Variants in GLIS3 observed in about 807,000 individuals in gnomAD.
The protein encoded by GLIS3 is GLIS family zinc finger 3.
Under a neutral mutation model 78.6 loss-of-function variants are expected in GLIS3, and 53 were observed. The observed-to-expected ratio is 0.67, with a 90% CI of 0.54 to 0.85. The LOEUF (loss-of-function observed/expected upper bound fraction) is 0.85. GLIS3 is among the 40% of genes least tolerant of loss of function. The probability of loss-of-function intolerance (pLI) is 0.00; values close to 1 mark genes in which losing one functional copy is unlikely to be tolerated. For synonymous variants in GLIS3, 684 were observed against 509.9 expected, an observed-to-expected ratio of 1.34 and a Z score of -4.60; for missense variants, 1,703 against 1,231.1, an observed-to-expected ratio of 1.38 and a Z score of -5.74.
chr9:4,185,960 G>C (rs923869334), intron 2 of GLIS3, among the ~76,000 whole-genome samples: 1 of 151,944 alleles, frequency 6.6e-6, no homozygotes, highest in African/African-American at 2.4e-5. Flanking sequence ...GGCGCAGTGT[G>C]TCAAAGTTAA....
chr9:4,416,274 A>G, the GLIS3 span, among the ~76,000 whole-genome samples: 1 of 149,164 alleles, frequency 6.7e-6, no homozygotes, highest in Non-Finnish European at 1.5e-5. Flanking sequence ...AAAAAAAAAA[A>G]AAAAAGCATG....
the GLIS3 span, among the ~76,000 whole-genome samples, chr9:4,448,454 G>A: frequency 0.21 from 31,602 of 152,146 alleles, 3,434 homozygotes; most frequent in Middle Eastern, 0.3. Flanking sequence ...TCAAAGCTGA[G>A]CCAACTAGCA....
chr9:3,979,427 AG>A, intron 4 of GLIS3, among the ~76,000 whole-genome samples: 1 of 152,342 alleles, frequency 6.6e-6, no homozygotes, highest in African/African-American at 2.4e-5. Flanking sequence ...GCATCTAAAT[AG>A]CACACGCTTC....
chr9:4,440,322 G>A, the GLIS3 span, among the ~76,000 whole-genome samples: 1 of 152,036 alleles, frequency 6.6e-6, no homozygotes, highest in African/African-American at 2.4e-5. Flanking sequence ...TTCATCATTT[G>A]GGGTCTTAGA....
the GLIS3 span, among the ~76,000 whole-genome samples, chr9:4,480,040 G>A: frequency 2.6e-5 from 4 of 151,104 alleles, no homozygotes; most frequent in African/African-American, 9.7e-5. Context: ...GGGATTGTAG[G>A]CGTGAGCCAC....
intron 1 of GLIS3, among the ~76,000 whole-genome samples, chr9:4,296,798 A>C (rs1816551752): frequency 6.6e-6 from 1 of 151,794 alleles, no homozygotes; most frequent in South Asian, 2.1e-4. Flanking sequence ...CTTCCTTTCA[A>C]AGGTAGCCTC....
At chr9:4,095,216 T>TG (rs1829846882) in intron 4 of GLIS3, among the ~76,000 whole-genome samples, 1 of 152,210 alleles carries the variant, frequency 6.6e-6, no homozygotes, top group Admixed American at 6.5e-5. Flanking sequence ...TAGTATTCTC[T>TG]GTTCTATGTA....
At chr9:4,056,898 CTTTT>C (rs34752011) in intron 4 of GLIS3, among the ~76,000 whole-genome samples, 14 of 98,046 alleles carry the variant, frequency 1.4e-4, no homozygotes, top group African/African-American at 4.6e-4. Flanking sequence ...CTTCAAGACA[CTTTT>C]TTTTTTTTTT....
intron 4 of GLIS3, among the ~76,000 whole-genome samples, chr9:3,980,453 G>T (rs919175737): frequency 6.6e-6 from 1 of 152,116 alleles, no homozygotes; most frequent in East Asian, 1.9e-4. Context: ...ATACCAGCAG[G>T]CTGCCAAGTC....
the GLIS3 span, among the ~76,000 whole-genome samples, chr9:4,450,064 T>C: frequency 4.6e-5 from 7 of 152,148 alleles, no homozygotes; most frequent in Admixed American, 1.3e-4. Flanking sequence ...TAAAGAAGGA[T>C]GTTTGGACCC....
chr9:3,958,494 G>A (rs1020590042), intron 4 of GLIS3, among the ~76,000 whole-genome samples: 13 of 152,152 alleles, frequency 8.5e-5, no homozygotes, highest in African/African-American at 2.9e-4. Context: ...ACAAATCTCC[G>A]CATTCTCCCC....
At chr9:4,119,799 T>C (rs922778283) in intron 3 of GLIS3, among the ~76,000 whole-genome samples, 9 of 152,236 alleles carry the variant, frequency 5.9e-5, no homozygotes, top group African/African-American at 2.2e-4. Context: ...AAATGGTTCA[T>C]AATGTAGCTC....
chr9:3,873,604 A>G lies in GLIS3; in HGVS notation c.2297+5823T>C, dbSNP rs147443475. 3.5e-3 allele frequency among the ~76,000 whole-genome samples: 536 copies of G among 152,318 alleles called. 6 individuals are homozygous for G. Among genetic ancestry groups the G allele is most frequent in the African/African-American group, 0.012 (518 of 41,576 alleles). On this transcript the variant is annotated intron_variant, in intron 8 of 10. Transcript: ENST00000381971. ...CCTTAACTTGATCACTATGCATTCT[A>G]TACATGTAACAAAATTTCACATCAT...
rs770435998 is a variant in GLIS3 at position 4,118,904 on chromosome 9, AG to A, written c.597-24del. 47 of 1,597,658 alleles carry A rather than the reference AG, an allele frequency of 2.9e-5. No individual in the cohort carries two copies. Among genetic ancestry groups the A allele is most frequent in the Non-Finnish European group, 3.2e-5 (38 of 1,178,766 alleles). ...GACCTGGAACAGCAGCCAGAAAGGAAGAAAAAAAAAAGATAAACATTTTAGC... is the reference window on the plus strand; with the variant it reads ...GACCTGGAACAGCAGCCAGAAAGGAAAAAAAAAAAAGATAAACATTTTAGC... On this transcript the variant is annotated intron_variant, in intron 3 of 10. Transcript: ENST00000381971. The surrounding 1 kb of genome is among the most constrained non-coding windows in gnomAD (Gnocchi z 4.7).
At chr9:4,478,181 T>C in the GLIS3 span, among the ~76,000 whole-genome samples, 3 of 152,180 alleles carry the variant, frequency 2.0e-5, no homozygotes, top group African/African-American at 4.8e-5. Context: ...AAAACACGGA[T>C]GCCAGAATGA....
intron 1 of GLIS3, among the ~76,000 whole-genome samples, chr9:4,287,486 C>T (rs987715035): frequency 2.0e-5 from 3 of 152,110 alleles, no homozygotes; most frequent in African/African-American, 7.2e-5. Context: ...AAAATGTATG[C>T]GATGAGGTGG....
At chr9:4,247,879 C>T (rs188888944) in intron 2 of GLIS3, among the ~76,000 whole-genome samples, 1 of 152,236 alleles carries the variant, frequency 6.6e-6, no homozygotes, top group East Asian at 1.9e-4. Context: ...CATCACTTCA[C>T]TTCATTGATA....
At chr9:4,413,475 GT>G in the GLIS3 span, among the ~76,000 whole-genome samples, 1 of 152,084 alleles carries the variant, frequency 6.6e-6, no homozygotes, top group Non-Finnish European at 1.5e-5. Context: ...TTGAACTCTG[GT>G]TATTTTTCAG....
chr9:4,397,789 GGGAGA>G, the GLIS3 span, among the ~76,000 whole-genome samples: 3 of 150,328 alleles, frequency 2.0e-5, no homozygotes, highest in East Asian at 1.9e-4. Context: ...GGGAGGGGAG[GGGAGA>G]GGAGGAAGGA....
Sources: gnomAD v4.1 joint callset for allele counts (sites outside exome capture counted in the v4.1 genomes callset) on GRCh38, gnomAD v4.1.1 for gene constraint, Gnocchi (gnomAD v3.1) non-coding constraint, MANE v1.5 for transcripts, NCBI Gene and HGNC (gene_info 2026-07-23, HGNC 2026-07-21) for gene names.